Variants in RORA observed in about 807,000 individuals in gnomAD.
RORA encodes the protein RAR related orphan receptor A.
Under a neutral mutation model 69.5 loss-of-function variants are expected in RORA, and 7 were observed. That is an observed-to-expected ratio of 0.10 (90% CI 0.06 to 0.19). The LOEUF is 0.19. Among genes scored for constraint, RORA ranks in the 10% least tolerant of loss-of-function variants. The pLI is 1.00. For synonymous variants in RORA, 261 were observed against 240.8 expected, an observed-to-expected ratio of 1.08 and a Z score of -0.78; for missense variants, 457 against 663.0, an observed-to-expected ratio of 0.69 and a Z score of 3.41.
intron 1 of RORA, among the ~76,000 whole-genome samples, chr15:60,921,072 A>G (rs1022822318): frequency 8.5e-5 from 13 of 152,192 alleles, no homozygotes; most frequent in Non-Finnish European, 1.6e-4. Context: ...TAATCACATA[A>G]AGTGGTTAAT....
chr15:60,877,884 G>T (rs997445624), intron 1 of RORA, among the ~76,000 whole-genome samples: 2 of 152,086 alleles, frequency 1.3e-5, no homozygotes, highest in African/African-American at 4.8e-5. Context: ...TAGATCAGTG[G>T]TGCTCTAATG....
At chr15:60,946,501 CG>C (rs1566920420) in intron 1 of RORA, among the ~76,000 whole-genome samples, 1 of 152,194 alleles carries the variant, frequency 6.6e-6, no homozygotes, top group Non-Finnish European at 1.5e-5. Flanking sequence ...AGCTCCTAAC[CG>C]GGAGTGATCT....
intron 1 of RORA, among the ~76,000 whole-genome samples, chr15:60,751,961 T>C (rs780449592): frequency 1.3e-5 from 2 of 151,934 alleles, no homozygotes; most frequent in Non-Finnish European, 2.9e-5. Context: ...TCCGACAACA[T>C]GTGTGAGGAG....
intron 1 of RORA, among the ~76,000 whole-genome samples, chr15:60,909,429 G>C (rs1194325551): frequency 6.6e-6 from 1 of 152,218 alleles, no homozygotes; most frequent in South Asian, 2.1e-4. Flanking sequence ...AATGTTAGCA[G>C]TAAACCCAAG....
At chr15:60,596,901 T>C (rs972419382) in intron 2 of RORA, among the ~76,000 whole-genome samples, 1 of 152,018 alleles carries the variant, frequency 6.6e-6, no homozygotes, top group Admixed American at 6.5e-5. Flanking sequence ...CACACACACA[T>C]ACACATATTT....
At chr15:61,177,237 G>C (rs1382500896) in intron 1 of RORA, among the ~76,000 whole-genome samples, 1 of 152,208 alleles carries the variant, frequency 6.6e-6, no homozygotes, top group African/African-American at 2.4e-5. Context: ...GAGAATCCAA[G>C]TGAGCACAAA....
intron 1 of RORA, among the ~76,000 whole-genome samples, chr15:61,034,604 T>A (rs1595899581): frequency 6.6e-6 from 1 of 152,174 alleles, no homozygotes; most frequent in African/African-American, 2.4e-5. Flanking sequence ...TTTACCAATT[T>A]CTTTTTCTTC....
chr15:61,067,414 A>C (rs776281640), intron 1 of RORA, among the ~76,000 whole-genome samples: 3 of 152,044 alleles, frequency 2.0e-5, no homozygotes, highest in African/African-American at 7.2e-5. Context: ...TAAACTTTTA[A>C]ACTCTCATTA....
chr15:60,946,241 T>TCCCTCC (rs1892868084), intron 1 of RORA, among the ~76,000 whole-genome samples: 1 of 151,904 alleles, frequency 6.6e-6, no homozygotes, highest in Non-Finnish European at 1.5e-5. Flanking sequence ...CGACTCCCTC[T>TCCCTCC]CCCTCTCCCT....
At chr15:60,784,182 CA>C (rs2072303876) in intron 1 of RORA, among the ~76,000 whole-genome samples, 2 of 152,110 alleles carry the variant, frequency 1.3e-5, no homozygotes, top group African/African-American at 4.8e-5. Flanking sequence ...TCTATTTTTT[CA>C]GTCCCCAAAG....
chr15:60,621,245 C>A (rs1037144784), intron 2 of RORA, among the ~76,000 whole-genome samples: 6 of 151,982 alleles, frequency 3.9e-5, no homozygotes, highest in African/African-American at 1.5e-4. Context: ...TTATCAAGTT[C>A]AGCCCACCAG....
intron 1 of RORA, among the ~76,000 whole-genome samples, chr15:60,772,149 C>T (rs2072085621): frequency 6.6e-6 from 1 of 152,042 alleles, no homozygotes; most frequent in Non-Finnish European, 1.5e-5. Flanking sequence ...TGTTGGTTTG[C>T]TGTACCCATC....
At chr15:61,143,269 A>T (rs1596024008) in intron 1 of RORA, among the ~76,000 whole-genome samples, 1 of 152,148 alleles carries the variant, frequency 6.6e-6, no homozygotes, top group East Asian at 1.9e-4. Flanking sequence ...AAAGTATAGA[A>T]TTCACAAGAA....
intron 1 of RORA, among the ~76,000 whole-genome samples, chr15:61,144,893 A>T (rs553048267): frequency 6.6e-6 from 1 of 152,210 alleles, no homozygotes; most frequent in Non-Finnish European, 1.5e-5. Context: ...ATAGGAAACT[A>T]TAAGTTTCGC....
intron 2 of RORA, among the ~76,000 whole-genome samples, chr15:60,641,348 G>A (rs73424095): frequency 0.059 from 8,993 of 152,220 alleles, 657 homozygotes; most frequent in African/African-American, 0.17. Flanking sequence ...GAATAAATAC[G>A]TATAATGGGA....
intron 1 of RORA, among the ~76,000 whole-genome samples, chr15:61,044,985 G>A (rs570662879): frequency 1.6e-4 from 25 of 152,306 alleles, no homozygotes; most frequent in African/African-American, 5.3e-4. Flanking sequence ...GGGGGCACTC[G>A]GGAAAATGTG....
intron 2 of RORA, among the ~76,000 whole-genome samples, chr15:60,663,617 G>A (rs932305291): frequency 6.6e-6 from 1 of 152,108 alleles, no homozygotes; most frequent in Admixed American, 6.5e-5. Context: ...CACCATACCC[G>A]GCTAATTTTG....
intron 1 of RORA, among the ~76,000 whole-genome samples, chr15:61,183,461 G>C (rs537410734): frequency 6.6e-6 from 1 of 151,924 alleles, no homozygotes; most frequent in Non-Finnish European, 1.5e-5. Context: ...CTTGAACCCG[G>C]GAGGGAGAAG....
At chr15:61,171,841 G>T (rs1323530422) in intron 1 of RORA, among the ~76,000 whole-genome samples, 1 of 152,178 alleles carries the variant, frequency 6.6e-6, no homozygotes, top group Non-Finnish European at 1.5e-5. Context: ...GGCAGCTGGG[G>T]AGAGGAACGA....
Sources: allele counts gnomAD v4.1 joint callset (sites outside exome capture counted in the v4.1 genomes callset), GRCh38; gene constraint gnomAD v4.1.1; transcripts MANE v1.5; gene names NCBI Gene and HGNC (gene_info 2026-07-23, HGNC 2026-07-21).